The following CCDC157 variants were observed in gnomAD, a reference collection of about 807,000 sequenced individuals.
The protein encoded by CCDC157 is coiled-coil domain-containing protein 157.
A neutral mutation model predicts 70.9 loss-of-function variants in CCDC157; 60 were observed. The observed-to-expected ratio is 0.85, with a 90% CI of 0.69 to 1.05. The LOEUF (loss-of-function observed/expected upper bound fraction) is 1.05, where lower values mean the gene tolerates loss of function less well. Ranked by LOEUF, CCDC157 falls within the 50% of genes least tolerant of loss-of-function variation. CCDC157 has a pLI of 0.00. For synonymous variants in CCDC157, 373 were observed against 422.4 expected (o/e 0.88, Z 1.43); for missense variants, 943 against 984.2 (o/e 0.96, Z 0.56).
intron 4 of CCDC157, 146 bp downstream of exon 4, chr22:30,369,749 C>G: frequency 1.6e-6 from 1 of 621,210 alleles, no homozygotes; most frequent in Non-Finnish European, 2.6e-6. Flanking sequence ...CCCTCCCAAT[C>G]AAGCCCCACA....
Position 30,370,502 on chromosome 22 carries a change from A to T in CCDC157, c.597A>T (p.Pro199=). ...SIPVRASLQF[P]ATTFKNTRSV... ...CTGTCAGAGCCTCCCTGCAGTTCCC[A>T]GCCACGACCTTCAAGAACACCAGGA... The change falls in exon 5 of 12, where the codon CCA becomes CCT. Residue 199 remains proline (P), a synonymous_variant. Coordinates refer to ENST00000338306, the MANE Select transcript of CCDC157 (RefSeq NM_001017437.5). The T allele has an allele frequency of 1.2e-6, 2 of 1,614,106 alleles. No individual in the cohort carries two copies. The highest frequency in any genetic ancestry group is 1.7e-6 in the Non-Finnish European group (2 of 1,180,030).
At chr22:30,373,569 G>A (rs1432390334) in intron 7 of CCDC157, 28 bp from the exon 8 acceptor site, 2 of 1,551,084 alleles carry the variant, frequency 1.3e-6, no homozygotes, top group Non-Finnish European at 1.7e-6. Flanking sequence ...GGGTCTCACA[G>A]CCTCCCTGCT....
intron 4 of CCDC157, 33 bp downstream of exon 4, chr22:30,369,636 C>T (rs965697335): frequency 1.4e-6 from 2 of 1,453,396 alleles, no homozygotes; most frequent in African/African-American, 1.4e-5. Flanking sequence ...GGTGGGTCAG[C>T]CTCAGCCTCT....
At chr22:30,374,135 G>A in intron 9 of CCDC157, 44 bp downstream of exon 9, 2 of 1,549,124 alleles carry the variant, frequency 1.3e-6, no homozygotes, top group Non-Finnish European at 1.7e-6. Context: ...GGGGCTCAGG[G>A]CCAGCAGCTG....
rs746386413 is a variant in CCDC157, at chr22:30,372,320, G to C, written c.1335+34G>C. 1.1e-5 allele frequency: 17 copies of C among 1,486,336 alleles called. No homozygotes were observed. The East Asian group carries it at 4.0e-4, about 35-fold the overall frequency. 92.1% of individuals were successfully genotyped at this position (1,486,336 alleles called of 1,614,324 possible). On this transcript the variant is annotated intron_variant, in intron 7 of 11. Coordinates refer to ENST00000338306, the MANE Select transcript of CCDC157 (RefSeq NM_001017437.5). ...AGGGCCCTCGCTAGCCTGGGCATCT[G>C]CAATGTAGGCTGCAGGGAAAGAGGG... is the stretch of plus-strand genomic sequence containing the variant.
At chr22:30,357,303 GC>G (rs377375199) in intron 1 of CCDC157, among the ~76,000 whole-genome samples, 171 bp downstream of exon 1, 2 of 152,220 alleles carry the variant, frequency 1.3e-5, no homozygotes, top group African/African-American at 4.8e-5. Context: ...CCGCCTAAGA[GC>G]CCCACTTCCC....
intron 5 of CCDC157, 92 bp downstream of exon 5, chr22:30,371,042 G>T: frequency 6.9e-7 from 1 of 1,449,406 alleles, no homozygotes. Flanking sequence ...CAGGGCAAGT[G>T]GTTTGTGTGG....
At chr22:30,362,198 A>G (rs1470131860) in intron 2 of CCDC157, 84 bp downstream of exon 2, 1 of 152,398 alleles carries the variant, frequency 6.6e-6, no homozygotes, top group Non-Finnish European at 1.5e-5. Context: ...ACCTGTGGGC[A>G]CAGGCTGGCC....
rs1262836750 is a variant in CCDC157 at position 30,378,110 on chromosome 22, C to T, written c.*1365C>T. The T allele has an allele frequency of 8.5e-6, 4 of 470,966 alleles. No individual in the cohort carries two copies. The highest frequency in any genetic ancestry group is 6.9e-5 in the East Asian group (1 of 14,402). The allele number at this position is 470,966 out of a possible 1,614,324, so 29.2% of individuals were successfully genotyped here. A position where few individuals can be genotyped will look rare whatever the true frequency, so the allele number is the denominator to read the frequency against. On this transcript the variant is annotated 3_prime_UTR_variant, in exon 12 of 12. Coordinates refer to ENST00000338306, the MANE Select transcript of CCDC157 (RefSeq NM_001017437.5). Reference sequence around the variant, plus strand: ...AGGTCCTCTCACGGCTCCTAGAGGCCGTCCACCTTCCTTGCCATGGGGCTC... The same window carrying T: ...AGGTCCTCTCACGGCTCCTAGAGGCTGTCCACCTTCCTTGCCATGGGGCTC...
chr22:30,373,599 T>C lies in CCDC157; in HGVS notation c.1338T>C (p.Ser446=). The C allele has an allele frequency of 6.4e-7, 1 of 1,553,892 alleles. No individual in the cohort carries two copies. Among genetic ancestry groups the C allele is most frequent in the Non-Finnish European group, 8.7e-7 (1 of 1,148,294 alleles). Residue 446 remains serine (S), a splice_region_variant and synonymous_variant, in exon 8 of 12, where the codon TCT becomes TCC. Coordinates refer to ENST00000338306, the MANE Select transcript of CCDC157 (RefSeq NM_001017437.5). ...CCTGCTTGTCCGTTCCTGCTTAGTCTCTGCAGGCCAAGCAGCGAGCCCTGC... is the reference window on the plus strand; with the variant it reads ...CCTGCTTGTCCGTTCCTGCTTAGTCCCTGCAGGCCAAGCAGCGAGCCCTGC... The part of the protein sequence containing the change: ...RVDSMVRHQE[S]LQAKQRALLK...
At chr22:30,360,893 A>G (rs1017155266) in intron 1 of CCDC157, among the ~76,000 whole-genome samples, 7 of 152,088 alleles carry the variant, frequency 4.6e-5, no homozygotes, top group Non-Finnish European at 1.0e-4. Flanking sequence ...TAAAAAATAC[A>G]AAAATTCACT....
In CCDC157 at chr22:30,376,356, G is replaced by A. The variant is rs193290693; in HGVS notation, c.1946+9G>A. ...AAGAGCACATCCCCAGGGTGAGTGA[G>A]GCTTTACTGGAGGTGGGGCAGGTGA... On this transcript the variant is annotated intron_variant, in intron 11 of 11. Coordinates refer to ENST00000338306, the MANE Select transcript of CCDC157 (RefSeq NM_001017437.5). The A allele has an allele frequency of 1.2e-4, 187 of 1,613,884 alleles. 2 individuals carry two copies. In the East Asian group the frequency reaches 4.1e-3, roughly 36 times the overall value.
chr22:30,371,212 C>T (rs895437808), intron 5 of CCDC157: 7 of 556,420 alleles, frequency 1.3e-5, no homozygotes, highest in Non-Finnish European at 1.9e-5. Flanking sequence ...GTGAGGGAAC[C>T]GAGGTATGTA....
rs1601734452 is a variant in CCDC157 at position 30,370,396 on chromosome 22, A to G, written c.491A>G (p.Glu164Gly). The change falls in exon 5 of 12, where the codon GAA (glutamate) becomes GGA (glycine). Residue 164 changes from glutamate to glycine, a missense_variant. By Grantham distance (98) the Glu-to-Gly change is moderately conservative. Transcript: ENST00000338306. The stretch of plus-strand genomic sequence containing the variant: ...AAGGGCGAGCCAGCCAGGAGCCCTG[A>G]ATATCTGACTACCAAGTTAATCAAG... ...TTKGEPARSPEYLTTKLIKPS... is the reference protein window; with the variant it reads ...TTKGEPARSPGYLTTKLIKPS... 3.7e-6 allele frequency: 6 copies of G among 1,614,136 alleles called. No individual in the cohort carries two copies. The highest frequency in any genetic ancestry group is 5.1e-6 in the Non-Finnish European group (6 of 1,180,034).
Position 30,371,464 on chromosome 22 carries a change from C to T in CCDC157, c.1046-186C>T, listed in dbSNP as rs370958308. 48 of 602,022 alleles carry T rather than the reference C, an allele frequency of 8.0e-5. No homozygotes were observed. The East Asian group carries it at 1.3e-3, about 16-fold the overall frequency. The allele number at this position is 602,022 out of a possible 1,614,324, so 37.3% of individuals were successfully genotyped here. A position where few individuals can be genotyped will look rare whatever the true frequency, so the allele number is the denominator to read the frequency against. ...AGAGGTGTAGACACATGGCAGCCAG[C>T]CCATGAGAAGCAGGGTGGGTAAGGG... On this transcript the variant is annotated intron_variant, in intron 5 of 11. Transcript: ENST00000338306.
chr22:30,374,042 G>C lies in CCDC157; in HGVS notation c.1623G>C (p.Leu541=). ...ELEELKERER[L]LVAFPDLHRP... ...AGGAGCTGAAGGAGCGGGAGCGGCT[G>C]CTGGTGGCCTTCCCAGACCTGCACA... The change falls in exon 9 of 12, where the codon CTG becomes CTC. Residue 541 remains leucine (L), a synonymous_variant. Coordinates refer to ENST00000338306, the MANE Select transcript of CCDC157 (RefSeq NM_001017437.5). 6.2e-7 allele frequency: 1 copy of C among 1,607,378 alleles called. No individual in the cohort carries two copies. Among genetic ancestry groups the C allele is most frequent in the South Asian group, 1.1e-5 (1 of 89,422 alleles).
In CCDC157 at chr22:30,376,500, T is replaced by C. The variant is rs778192456; in HGVS notation, c.2014T>C (p.Ser672Pro). The change falls in exon 12 of 12, where the codon TCC becomes CCC. Residue 672 changes from serine (S) to proline (P), a missense_variant. Physicochemically the swap from Ser to Pro is moderately conservative, Grantham distance 74 (BLOSUM62 -1). Transcript: ENST00000338306. ...GACCCTGCTGGGCCAGCCCTGCACATCCCCACCTCGGCAGCCCTGCACATC... is the reference window on the plus strand; with the variant it reads ...GACCCTGCTGGGCCAGCCCTGCACACCCCCACCTCGGCAGCCCTGCACATC... ...GRTLLGQPCT[S>P]PPRQPCTSPP... 2 of 1,606,440 alleles carry C rather than the reference T, an allele frequency of 1.2e-6. No individual in the cohort carries two copies. The highest frequency in any genetic ancestry group is 1.7e-6 in the Non-Finnish European group (2 of 1,178,756).
intron 2 of CCDC157, among the ~76,000 whole-genome samples, chr22:30,365,404 C>T (rs1393293610): frequency 6.6e-6 from 1 of 152,004 alleles, no homozygotes; most frequent in Admixed American, 6.6e-5. Flanking sequence ...AGGGATGTGT[C>T]TGGAGGTGGC....
intron 7 of CCDC157, chr22:30,372,975 T>G (rs747719393): frequency 1.3e-5 from 2 of 153,530 alleles, no homozygotes; most frequent in Non-Finnish European, 2.9e-5. Context: ...CCGCCATGTA[T>G]CAGGTGTCTG....
Sources: gnomAD v4.1 joint callset for allele counts (sites outside exome capture counted in the v4.1 genomes callset) on GRCh38, gnomAD v4.1.1 for gene constraint, MANE v1.5 for transcripts, NCBI Gene and HGNC (gene_info 2026-07-23, HGNC 2026-07-21) for gene names.